Variants in MRPS28 observed in about 807,000 individuals in gnomAD.
The protein encoded by MRPS28 is mitochondrial ribosomal protein S28.
A neutral mutation model predicts 10.8 loss-of-function variants in MRPS28; 7 were observed. That is an observed-to-expected ratio of 0.65 (90% CI 0.37 to 1.22). The LOEUF (loss-of-function observed/expected upper bound fraction) is 1.22. Among genes scored for constraint, MRPS28 ranks in the 50% most tolerant of loss-of-function variants. MRPS28 has a pLI of 0.02. For missense variants in MRPS28, 265 were observed against 232.9 expected, an observed-to-expected ratio of 1.14 and a Z score of -0.90; for synonymous variants, 121 against 93.3, an observed-to-expected ratio of 1.30 and a Z score of -1.71.
At chr8:79,979,218 T>C (rs1243256918) in intron 2 of MRPS28, among the ~76,000 whole-genome samples, 1 of 152,204 alleles carries the variant, frequency 6.6e-6, no homozygotes, top group African/African-American at 2.4e-5. Context: ...ATTAGGACTT[T>C]GGAGGAAGAG....
At chr8:79,990,165 A>G (rs1407815599) in intron 2 of MRPS28, among the ~76,000 whole-genome samples, 1 of 152,222 alleles carries the variant, frequency 6.6e-6, no homozygotes, top group Non-Finnish European at 1.5e-5. Flanking sequence ...TGTTTCAAAA[A>G]TAAATAAATA....
At chr8:79,971,364 C>A (rs1807627969) in intron 2 of MRPS28, among the ~76,000 whole-genome samples, 1 of 152,134 alleles carries the variant, frequency 6.6e-6, no homozygotes, top group Non-Finnish European at 1.5e-5. Flanking sequence ...TCATGTGCTA[C>A]AATTCACTAA....
At chr8:79,963,648 C>G (rs1352438693) in intron 2 of MRPS28, among the ~76,000 whole-genome samples, 1 of 152,106 alleles carries the variant, frequency 6.6e-6, no homozygotes, top group Non-Finnish European at 1.5e-5. Flanking sequence ...TTGACAGACA[C>G]CAGCACAAAG....
chr8:79,982,202 G>A (rs1217949553), intron 2 of MRPS28, among the ~76,000 whole-genome samples: 4 of 152,094 alleles, frequency 2.6e-5, no homozygotes, highest in East Asian at 1.9e-4. Flanking sequence ...AGTCAAGATC[G>A]CACCACTGCA....
intron 1 of MRPS28, among the ~76,000 whole-genome samples, chr8:80,018,295 CAAA>C (rs55883340): frequency 0.014 from 753 of 53,036 alleles, 6 homozygotes; most frequent in African/African-American, 0.058. Flanking sequence ...TACTCTGTCT[CAAA>C]AAAAAAAAAA....
In MRPS28 at chr8:79,973,827, G is replaced by C. The variant is rs543792159; in HGVS notation, c.395+29172C>G. Reference sequence around the variant, plus strand: ...AACGAGTTCTCACAGAAAAGGGCCAGGAATAAATTAATAAAAAAAAAAAAA... The same window carrying C: ...AACGAGTTCTCACAGAAAAGGGCCACGAATAAATTAATAAAAAAAAAAAAA... On this transcript the variant is annotated intron_variant, in intron 2 of 2. Coordinates refer to ENST00000276585, the MANE Select transcript of MRPS28 (RefSeq NM_014018.3). 7.4e-5 allele frequency among the ~76,000 whole-genome samples: 9 copies of C among 122,370 alleles called. No individual in the cohort carries two copies. The East Asian group carries it at 1.7e-3, about 23-fold the overall frequency. 80.3% of individuals were successfully genotyped at this position (122,370 alleles called of 152,430 possible). A position where few individuals can be genotyped will look rare whatever the true frequency, so the allele number is the denominator to read the frequency against.
chr8:79,944,065 T>A (rs1307469830), intron 2 of MRPS28, among the ~76,000 whole-genome samples: 1 of 152,118 alleles, frequency 6.6e-6, no homozygotes, highest in African/African-American at 2.4e-5. Flanking sequence ...TCAGAAAAAA[T>A]TTCATTGGTG....
At chr8:80,008,432 TTAAAC>T (rs1808929112) in intron 1 of MRPS28, among the ~76,000 whole-genome samples, 1 of 152,134 alleles carries the variant, frequency 6.6e-6, no homozygotes, top group Admixed American at 6.5e-5. Context: ...TGGGATCTAA[TTAAAC>T]TAAAGAGCTT....
rs193110308 is a variant in MRPS28, at chr8:79,984,957, A to T, written c.395+18042T>A. 6.9e-3 allele frequency among the ~76,000 whole-genome samples: 1,047 copies of T among 152,270 alleles called. 7 individuals carry two copies. Among genetic ancestry groups the T allele is most frequent in the African/African-American group, 0.024 (1,001 of 41,542 alleles). ...ACATCTACAGAATTCTCCACCCCAA[A>T]TCAACAGAATATACATTTTTTTCAG... On this transcript the variant is annotated intron_variant, in intron 2 of 2. Coordinates refer to ENST00000276585, the MANE Select transcript of MRPS28 (RefSeq NM_014018.3).
intron 2 of MRPS28, among the ~76,000 whole-genome samples, chr8:80,001,298 C>T (rs1411356195): frequency 1.3e-5 from 2 of 152,104 alleles, no homozygotes; most frequent in African/African-American, 4.8e-5. Flanking sequence ...TATATATTTT[C>T]TACTAATGAA....
In MRPS28 at chr8:79,919,065, G is replaced by C; in HGVS notation, c.479C>G (p.Thr160Arg). 1.2e-6 allele frequency: 2 copies of C among 1,611,132 alleles called. No homozygotes were observed. The change falls in exon 3 of 3, where the codon ACA (threonine) becomes AGA (arginine). Residue 160 changes from threonine (T) to arginine (R), a missense_variant. Transcript: ENST00000276585. ...TSRFLGATTD[T>R]TVLEANAVLL... ...AACTGCATTAGCCTCTAGTACAGTT[G>C]TATCTGTTGTTGCTCCCAGGAACCT...
In MRPS28 at chr8:79,927,207, G is replaced by A. The variant is rs555227768; in HGVS notation, c.396-8059C>T. On this transcript the variant is annotated intron_variant, in intron 2 of 2. Transcript: ENST00000276585. ...CTAAACAAAAGGCTGAATCATTTTA[G>A]CTTGGCTACATAAGGTTTACTGTCA... 2.0e-5 allele frequency among the ~76,000 whole-genome samples: 3 copies of A among 152,290 alleles called. No individual in the cohort carries two copies. The East Asian group carries it at 5.8e-4, about 29-fold the overall frequency.
At chr8:79,981,358 G>A (rs1220188876) in intron 2 of MRPS28, among the ~76,000 whole-genome samples, 1 of 152,020 alleles carries the variant, frequency 6.6e-6, no homozygotes, top group African/African-American at 2.4e-5. Context: ...TGAAGACACA[G>A]TATTTAAAAA....
At chr8:79,956,014 G>A (rs1807198368) in intron 2 of MRPS28, among the ~76,000 whole-genome samples, 1 of 152,172 alleles carries the variant, frequency 6.6e-6, no homozygotes, top group African/African-American at 2.4e-5. Context: ...TAGGCTTTGG[G>A]TCAAAGTTCT....
chr8:79,972,976 T>C (rs1382189221), intron 2 of MRPS28, among the ~76,000 whole-genome samples: 1 of 152,232 alleles, frequency 6.6e-6, no homozygotes, highest in Admixed American at 6.5e-5. Flanking sequence ...GATTTTTACA[T>C]ACTTTCAGTC....
intron 2 of MRPS28, among the ~76,000 whole-genome samples, chr8:79,954,426 G>A (rs577261011): frequency 7.2e-4 from 110 of 152,184 alleles, no homozygotes; most frequent in African/African-American, 2.2e-3. Context: ...ATTCTGCAAC[G>A]ATTCTGAAAT....
intron 2 of MRPS28, among the ~76,000 whole-genome samples, chr8:79,959,535 G>C (rs1369142666): frequency 6.6e-6 from 1 of 152,084 alleles, no homozygotes; most frequent in African/African-American, 2.4e-5. Context: ...AAATGAAAGG[G>C]AGACAAGGAG....
intron 2 of MRPS28, among the ~76,000 whole-genome samples, chr8:79,966,586 C>T (rs1807508887): frequency 6.6e-6 from 1 of 151,760 alleles, no homozygotes; most frequent in Non-Finnish European, 1.5e-5. Context: ...ACTCATCAGT[C>T]AAAAAATAAT....
intron 1 of MRPS28, among the ~76,000 whole-genome samples, chr8:80,008,688 G>A (rs1808937822): frequency 1.3e-5 from 2 of 152,286 alleles, no homozygotes; most frequent in African/African-American, 4.8e-5. Context: ...CACCATCACT[G>A]GCCATCAGAG....
Sources: allele counts gnomAD v4.1 joint callset (sites outside exome capture counted in the v4.1 genomes callset), GRCh38; gene constraint gnomAD v4.1.1; transcripts MANE v1.5; gene names NCBI Gene and HGNC (gene_info 2026-07-23, HGNC 2026-07-21).